The following DPYD variants were observed in gnomAD, a reference collection of about 807,000 sequenced individuals.
The protein encoded by DPYD is dihydropyrimidine dehydrogenase, also known as dihydropyrimidine dehydrogenase [NADP(+)].
In DPYD, 109 loss-of-function variants were observed where a neutral mutation model predicts 116.2. The ratio of observed to expected loss-of-function variants is 0.94; its 90% confidence interval spans 0.80 to 1.10. DPYD has a LOEUF of 1.10. DPYD is among the 50% of genes least tolerant of loss of function. DPYD has a pLI of 0.00. For missense variants in DPYD, 1,302 were observed against 1,254.5 expected, an observed-to-expected ratio of 1.04 and a Z score of -0.57; for synonymous variants, 440 against 432.0, an observed-to-expected ratio of 1.02 and a Z score of -0.23.
intron 18 of DPYD, among the ~76,000 whole-genome samples, chr1:97,263,481 G>C (rs1046792867): frequency 6.6e-6 from 1 of 152,016 alleles, no homozygotes; most frequent in African/African-American, 2.4e-5. Context: ...AAAACAAATA[G>C]TTTACAATTT....
At chr1:97,624,004 A>G (rs1203384947) in intron 8 of DPYD, among the ~76,000 whole-genome samples, 1 of 152,040 alleles carries the variant, frequency 6.6e-6, no homozygotes, top group Admixed American at 6.6e-5. Context: ...GAAACATAAA[A>G]CCAGAAACTC....
intron 20 of DPYD, among the ~76,000 whole-genome samples, chr1:97,139,476 G>C (rs1469376816): frequency 6.6e-6 from 1 of 152,098 alleles, no homozygotes; most frequent in African/African-American, 2.4e-5. Context: ...AAAAGAAAAT[G>C]AAACAGTATT....
intron 3 of DPYD, among the ~76,000 whole-genome samples, chr1:97,770,636 T>C (rs1455700562): frequency 6.6e-6 from 1 of 152,208 alleles, no homozygotes; most frequent in African/African-American, 2.4e-5. Context: ...TAAGTGTTTT[T>C]TGATATAGAT....
At chr1:97,580,333 T>G (rs1261636850) in intron 10 of DPYD, among the ~76,000 whole-genome samples, 1 of 152,228 alleles carries the variant, frequency 6.6e-6, no homozygotes, top group Non-Finnish European at 1.5e-5. Context: ...CAAAATTGTT[T>G]AGAAGTCCAC....
intron 19 of DPYD, among the ~76,000 whole-genome samples, chr1:97,225,386 T>C (rs1661073751): frequency 6.6e-6 from 1 of 152,052 alleles, no homozygotes; most frequent in Non-Finnish European, 1.5e-5. Context: ...GTGCCATTTA[T>C]GTCTCCTTTG....
rs71590220 is a variant in DPYD, at chr1:97,242,124, GTATATA to G, written c.2300-7136_2300-7131del. Among the ~76,000 whole-genome samples, 155 of 35,842 alleles carry G rather than the reference GTATATA, an allele frequency of 4.3e-3. 2 individuals carry two copies. Among genetic ancestry groups the G allele is most frequent in the Middle Eastern group, 0.025 (1 of 40 alleles). The allele number at this position is 35,842 out of a possible 152,430, so 23.5% of individuals were successfully genotyped here. On this transcript the variant is annotated intron_variant, in intron 18 of 22. Coordinates refer to ENST00000370192, the MANE Select transcript of DPYD (RefSeq NM_000110.4). Reference sequence around the variant, plus strand: ...TAATTTGCAACGTGTGTGTGCGTGTGTATATATATATATATATATATATATATATAT... The same window carrying G: ...TAATTTGCAACGTGTGTGTGCGTGTGTATATATATATATATATATATATAT...
intron 20 of DPYD, among the ~76,000 whole-genome samples, chr1:97,110,812 G>A (rs1047828257): frequency 2.0e-5 from 3 of 151,770 alleles, no homozygotes; most frequent in African/African-American, 7.3e-5. Flanking sequence ...ATTTTTGTTT[G>A]TGCTCATCTA....
At chr1:97,440,385 T>C (rs1218435794) in intron 14 of DPYD, among the ~76,000 whole-genome samples, 2 of 152,184 alleles carry the variant, frequency 1.3e-5, no homozygotes, top group African/African-American at 4.8e-5. Context: ...CTATATACTA[T>C]ATGGATTCTA....
At chr1:97,730,110 G>GT (rs1663504282) in intron 4 of DPYD, among the ~76,000 whole-genome samples, 1 of 152,002 alleles carries the variant, frequency 6.6e-6, no homozygotes, top group Non-Finnish European at 1.5e-5. Context: ...TTTTTATGAC[G>GT]TGTCTTATTT....
intron 3 of DPYD, among the ~76,000 whole-genome samples, chr1:97,779,927 T>A (rs1666639107): frequency 1.3e-5 from 2 of 152,196 alleles, no homozygotes; most frequent in Admixed American, 1.3e-4. Flanking sequence ...TGTCTATTCA[T>A]AAGTTGTGAC....
intron 13 of DPYD, among the ~76,000 whole-genome samples, chr1:97,464,964 C>T (rs2101833909): frequency 1.3e-5 from 2 of 152,278 alleles, no homozygotes; most frequent in South Asian, 4.2e-4. Flanking sequence ...ACACTCAACA[C>T]CAGACCATGA....
chr1:97,203,328 T>TC (rs772865984), intron 19 of DPYD, among the ~76,000 whole-genome samples: 2 of 152,098 alleles, frequency 1.3e-5, no homozygotes, highest in Non-Finnish European at 2.9e-5. Context: ...AGGCAATCTT[T>TC]CTTTTTCAAC....
At chr1:97,533,676 T>C (rs1198027254) in intron 12 of DPYD, among the ~76,000 whole-genome samples, 1 of 152,162 alleles carries the variant, frequency 6.6e-6, no homozygotes, top group Non-Finnish European at 1.5e-5. Context: ...ATATTAAGCC[T>C]TGGAATAAGA....
rs555220922 is a variant in DPYD, at chr1:97,431,651, T to A, written c.1905+18408A>T. 1.1e-4 allele frequency among the ~76,000 whole-genome samples: 16 copies of A among 152,294 alleles called. No individual in the cohort carries two copies. In the South Asian group the frequency reaches 3.1e-3, roughly 30 times the overall value. On this transcript the variant is annotated intron_variant, in intron 14 of 22. Coordinates refer to ENST00000370192, the MANE Select transcript of DPYD (RefSeq NM_000110.4). Reference sequence around the variant, plus strand: ...AAGCATACAATGTGTAATGATCAAATCAGGGTAATTAGGATATCCATCACC... The same window carrying A: ...AAGCATACAATGTGTAATGATCAAAACAGGGTAATTAGGATATCCATCACC...
chr1:97,516,877 A>C (rs980575102), intron 12 of DPYD, among the ~76,000 whole-genome samples: 1 of 152,064 alleles, frequency 6.6e-6, no homozygotes, highest in East Asian at 1.9e-4. Flanking sequence ...AACATTGGAA[A>C]ATATAAAAAG....
At position 97,699,481 on chromosome 1, in the gene DPYD, C is replaced by T. The variant is rs2100972047; in HGVS notation, c.550G>A (p.Glu184Lys). ...AGAGCAATCTTTGCAGAATAGGCTTCAGACATTTTTTCTGGGGGAGGCAGC... is the reference window on the plus strand; with the variant it reads ...AGAGCAATCTTTGCAGAATAGGCTTTAGACATTTTTTCTGGGGGAGGCAGC... ...PSLPPPEKMS[E>K]AYSAKIALFG... Residue 184 changes from glutamate to lysine, a missense_variant, in exon 6 of 23, where the codon GAA (glutamate) becomes AAA (lysine). Coordinates refer to ENST00000370192, the MANE Select transcript of DPYD (RefSeq NM_000110.4). 6.2e-7 allele frequency: 1 copy of T among 1,613,600 alleles called. No homozygotes were observed. The highest frequency in any genetic ancestry group is 1.1e-5 in the South Asian group (1 of 91,048).
intron 3 of DPYD, among the ~76,000 whole-genome samples, chr1:97,778,664 A>G (rs1428182152): frequency 6.6e-6 from 1 of 152,202 alleles, no homozygotes; most frequent in Non-Finnish European, 1.5e-5. Flanking sequence ...TGTATCAATG[A>G]CCATAACAAA....
intron 20 of DPYD, among the ~76,000 whole-genome samples, chr1:97,161,376 A>C (rs2101744805): frequency 6.6e-6 from 1 of 152,234 alleles, no homozygotes; most frequent in Middle Eastern, 3.4e-3. Context: ...ATACAAGTAA[A>C]ACAACAATAT....
chr1:97,595,240 A>G, intron 8 of DPYD, 74 bp from the exon 9 acceptor site: 1 of 1,191,752 alleles, frequency 8.4e-7, no homozygotes, highest in Admixed American at 1.9e-5. Context: ...AACAAAAAAG[A>G]AAACTTTAAT....
Sources: allele counts gnomAD v4.1 joint callset (sites outside exome capture counted in the v4.1 genomes callset), GRCh38; gene constraint gnomAD v4.1.1; transcripts MANE v1.5; gene names NCBI Gene and HGNC (gene_info 2026-07-23, HGNC 2026-07-21).